DIAPH1: variants seen among roughly 807,000 people sequenced by gnomAD.
DIAPH1 encodes the protein diaphanous related formin 1.
Under a neutral mutation model 140.7 loss-of-function variants are expected in DIAPH1, and 46 were observed. The observed-to-expected ratio is 0.33, with a 90% CI of 0.26 to 0.42. The LOEUF is 0.42. Ranked by LOEUF, DIAPH1 falls within the 10% of genes least tolerant of loss-of-function variation. The probability of loss-of-function intolerance (pLI) is 1.00; values close to 1 mark genes in which losing one functional copy is unlikely to be tolerated. For missense variants in DIAPH1, 1,310 were observed against 1,558.7 expected, an observed-to-expected ratio of 0.84 and a Z score of 2.69; for synonymous variants, 565 against 551.6, an observed-to-expected ratio of 1.02 and a Z score of -0.34.
intron 18 of DIAPH1, among the ~76,000 whole-genome samples, chr5:141,552,396 G>C (rs180746574): frequency 5.3e-4 from 80 of 152,278 alleles, no homozygotes; most frequent in Admixed American, 4.2e-3. Flanking sequence ...ACCAGAGTCA[G>C]AGAGGACATG....
rs912789961 is a variant in DIAPH1 at position 141,596,332 on chromosome 5, C to CA, written c.118-8083dup. Reference sequence around the variant, plus strand: ...TGGGTGACAGAGCAAGACTCTGTCTCAAAAAAAAAAAGTAATAATAATTAG... The same window carrying CA: ...TGGGTGACAGAGCAAGACTCTGTCTCAAAAAAAAAAAAGTAATAATAATTAG... On this transcript the variant is annotated intron_variant, in intron 1 of 27. Transcript: ENST00000389054. Among the ~76,000 whole-genome samples, 923 of 140,792 alleles carry CA rather than the reference C, an allele frequency of 6.6e-3. 6 individuals carry two copies. The highest frequency in any genetic ancestry group is 0.022 in the African/African-American group (836 of 38,472). The allele number at this position is 140,792 out of a possible 152,430, so 92.4% of individuals were successfully genotyped here. A position where few individuals can be genotyped will look rare whatever the true frequency, so the allele number is the denominator to read the frequency against.
chr5:141,586,256 G>C (rs1255961973), intron 3 of DIAPH1, among the ~76,000 whole-genome samples: 2 of 152,192 alleles, frequency 1.3e-5, no homozygotes, highest in Admixed American at 1.3e-4. Flanking sequence ...GGAATATTAA[G>C]AGACAAACTG....
intron 18 of DIAPH1, among the ~76,000 whole-genome samples, chr5:141,560,313 C>G (rs756196205): frequency 3.3e-5 from 5 of 152,206 alleles, no homozygotes; most frequent in Non-Finnish European, 5.9e-5. Flanking sequence ...CTGTCAGTCA[C>G]TGGAAGCAAG....
At chr5:141,586,291 A>C (rs2099897533) in intron 3 of DIAPH1, among the ~76,000 whole-genome samples, 1 of 152,238 alleles carries the variant, frequency 6.6e-6, no homozygotes, top group African/African-American at 2.4e-5. Context: ...AAATAACAAC[A>C]GTAGTACCAG....
chr5:141,536,534 T>TGATAA (rs1562290892), intron 18 of DIAPH1, among the ~76,000 whole-genome samples: 1 of 151,946 alleles, frequency 6.6e-6, no homozygotes, highest in African/African-American at 2.4e-5. Flanking sequence ...TAAAATAGTA[T>TGATAA]ACTATATTAT....
chr5:141,611,033 CTGAGT>C (rs2099901758), intron 1 of DIAPH1, among the ~76,000 whole-genome samples: 1 of 151,920 alleles, frequency 6.6e-6, no homozygotes, highest in South Asian at 2.1e-4. Flanking sequence ...GATGCTGCAA[CTGAGT>C]TGTCATTGCA....
At chr5:141,525,496 G>GA (rs1177003038) in intron 26 of DIAPH1, among the ~76,000 whole-genome samples, 1 of 152,146 alleles carries the variant, frequency 6.6e-6, no homozygotes, top group Admixed American at 6.5e-5. Context: ...TTCTGGTAGT[G>GA]AAACAGAGAT....
chr5:141,614,007 C>T (rs987733578), intron 1 of DIAPH1, among the ~76,000 whole-genome samples: 8 of 152,176 alleles, frequency 5.3e-5, no homozygotes, highest in African/African-American at 1.9e-4. Context: ...GTGGCTTTGT[C>T]TCACCTAACC....
rs1357981395 is a variant in DIAPH1 at position 141,573,680 on chromosome 5, G to A, written c.2170C>T (p.Pro724Ser). ...AATGGAGGAGGTGGAGGGATTCCAG[G>A]ACCACCAGGAAGAGGGGGAGGAGGA... Reference protein sequence around the residue: ...PPPPPPLPGGPGIPPPPPFPG... With the variant: ...PPPPPPLPGGSGIPPPPPFPG... Residue 724 changes from proline to serine, a missense_variant, in exon 16 of 28, where the codon CCT becomes TCT. Around this residue, in one of 3 missense-constraint regions of DIAPH1, gnomAD observed 589 missense variants for 549.3 expected, o/e 1.07. Transcript: ENST00000389054. 6.2e-7 allele frequency: 1 copy of A among 1,601,956 alleles called. No individual in the cohort carries two copies. Among genetic ancestry groups the A allele is most frequent in the South Asian group, 1.1e-5 (1 of 90,714 alleles).
At chr5:141,556,293 G>C (rs780047332) in intron 18 of DIAPH1, among the ~76,000 whole-genome samples, 4 of 152,058 alleles carry the variant, frequency 2.6e-5, no homozygotes, top group Non-Finnish European at 4.4e-5. Flanking sequence ...CAGGGAGAAA[G>C]CTGCTACTTA....
At chr5:141,605,405 A>T (rs1483948863) in intron 1 of DIAPH1, among the ~76,000 whole-genome samples, 1 of 152,228 alleles carries the variant, frequency 6.6e-6, no homozygotes, top group Non-Finnish European at 1.5e-5. Flanking sequence ...TTGTTTCAAA[A>T]ATATATATGT....
chr5:141,519,662 G>C (rs941960702), intron 27 of DIAPH1, among the ~76,000 whole-genome samples: 2 of 152,182 alleles, frequency 1.3e-5, no homozygotes, highest in Admixed American at 1.3e-4. Context: ...AGTAGGTAGG[G>C]AGAAGATCAA....
At chr5:141,546,662 G>GAAAAAAAAAAAAAAAAAAA (rs547342313) in intron 18 of DIAPH1, among the ~76,000 whole-genome samples, 1 of 116,252 alleles carries the variant, frequency 8.6e-6, no homozygotes, top group African/African-American at 3.2e-5. Flanking sequence ...AAAAAAAAAA[G>GAAAAAAAAAAAAAAAAAAA]AAAAAAAAAA....
intron 1 of DIAPH1, among the ~76,000 whole-genome samples, chr5:141,606,866 G>A (rs770059155): frequency 6.6e-6 from 1 of 151,354 alleles, no homozygotes; most frequent in African/African-American, 2.4e-5. Context: ...TAGTTACTTT[G>A]GTGAGAGAGA....
chr5:141,578,368 A>G (rs773647873), intron 10 of DIAPH1, 25 bp from the exon 11 acceptor site: 31 of 1,594,214 alleles, frequency 1.9e-5, no homozygotes, highest in Non-Finnish European at 2.5e-5. Context: ...AGTAGAAGTC[A>G]GGGAACCCAA....
At chr5:141,518,549 T>A in intron 27 of DIAPH1, 1 of 153,832 alleles carries the variant, frequency 6.5e-6, no homozygotes, top group Non-Finnish European at 1.4e-5. Context: ...TTTTTTTTGA[T>A]GGAATCTCAG....
chr5:141,562,140 GT>G (rs1334677040), intron 18 of DIAPH1, among the ~76,000 whole-genome samples: 2 of 151,308 alleles, frequency 1.3e-5, no homozygotes, highest in African/African-American at 4.9e-5. Context: ...TTATGTATGA[GT>G]TTTTTTTAGG....
intron 1 of DIAPH1, among the ~76,000 whole-genome samples, chr5:141,609,152 T>C (rs2099901413): frequency 7.0e-6 from 1 of 143,676 alleles, no homozygotes; most frequent in East Asian, 2.0e-4. Context: ...GGCTTCAAAG[T>C]CTAAATTACT....
chr5:141,549,730 A>C (rs1483833052), intron 18 of DIAPH1, among the ~76,000 whole-genome samples: 1 of 152,186 alleles, frequency 6.6e-6, no homozygotes, highest in Non-Finnish European at 1.5e-5. Context: ...TTTGGATATT[A>C]AGCAAATATA....
Sources: gnomAD v4.1 joint callset for allele counts (sites outside exome capture counted in the v4.1 genomes callset) on GRCh38, gnomAD v4.1.1 for gene constraint, gnomAD v4.1.1 regional missense constraint, MANE v1.5 for transcripts, NCBI Gene and HGNC (gene_info 2026-07-23, HGNC 2026-07-21) for gene names.